The following SRSF2 variants were observed in gnomAD, a reference collection of about 807,000 sequenced individuals.
SRSF2 encodes serine and arginine rich splicing factor 2, also known as serine/arginine-rich splicing factor 2.
In SRSF2, 4 loss-of-function variants were observed where a neutral mutation model predicts 15.7. That is an observed-to-expected ratio of 0.26 (90% CI 0.13 to 0.58). The LOEUF (loss-of-function observed/expected upper bound fraction) is 0.58, where lower values mean the gene tolerates loss of function less well. SRSF2 is among the 20% of genes least tolerant of loss of function. SRSF2 has a pLI of 0.90. For missense variants in SRSF2, 147 were observed against 332.4 expected (o/e 0.44, Z 4.34); for synonymous variants, 192 against 138.9 (o/e 1.38, Z -2.69).
At position 76,737,231 on chromosome 17, in the gene SRSF2, C is replaced by T; in HGVS notation, c.-71G>A. ...CTCAGCTCTGGGCGGTGCGACGCCG[C>T]GCCTCTCAGGCAGTTGCCTTCCGCG... is the stretch of plus-strand genomic sequence containing the variant. On this transcript the variant is annotated 5_prime_UTR_variant, in exon 1 of 3. Coordinates refer to ENST00000359995, the MANE Select transcript of SRSF2 (RefSeq NM_001195427.2). 6.8e-7 allele frequency: 1 copy of T among 1,463,966 alleles called. No individual in the cohort carries two copies. Among genetic ancestry groups the T allele is most frequent in the Non-Finnish European group, 9.1e-7 (1 of 1,102,086 alleles). The allele number at this position is 1,463,966 out of a possible 1,614,324, so 90.7% of individuals were successfully genotyped here. A position where few individuals can be genotyped will look rare whatever the true frequency, so the allele number is the denominator to read the frequency against.
intron 2 of SRSF2, 184 bp downstream of exon 2, chr17:76,735,970 T>TATC (rs1385773448): frequency 9.4e-6 from 6 of 636,046 alleles, no homozygotes; most frequent in African/African-American, 1.8e-5. Context: ...CAGCCATTAT[T>TATC]ATCTAAGCTT....
chr17:76,736,807 C>G lies in SRSF2; in HGVS notation c.354G>C (p.Arg118=). ...CCCTCAGCCCCGTTTACCTGCGGCTCCGGCGTCCGTAGCCACCGCCCCCGT... is the reference window on the plus strand; with the variant it reads ...CCCTCAGCCCCGTTTACCTGCGGCTGCGGCGTCCGTAGCCACCGCCCCCGT... The part of the protein sequence containing the change: ...RRYGGGGYGR[R]SRSPRRRRRS... Residue 118 remains arginine, a synonymous_variant, in exon 1 of 3, where the codon CGG becomes CGC. Coordinates refer to ENST00000359995, the MANE Select transcript of SRSF2 (RefSeq NM_001195427.2). 6.4e-7 allele frequency: 1 copy of G among 1,573,048 alleles called. No homozygotes were observed. The highest frequency in any genetic ancestry group is 1.3e-5 in the African/African-American group (1 of 74,148).
Position 76,734,606 on chromosome 17 carries a change from T to C in SRSF2, c.*560A>G. ...TAAGAGAAGAGATTAGAATTGTGTTTGATAAACAATCCTTTCAAAAAATCA... is the reference window on the plus strand; with the variant it reads ...TAAGAGAAGAGATTAGAATTGTGTTCGATAAACAATCCTTTCAAAAAATCA... On this transcript the variant is annotated 3_prime_UTR_variant, in exon 3 of 3. Coordinates refer to ENST00000359995, the MANE Select transcript of SRSF2 (RefSeq NM_001195427.2). 4.3e-6 allele frequency: 1 copy of C among 230,118 alleles called. No homozygotes were observed. Among genetic ancestry groups the C allele is most frequent in the Non-Finnish European group, 8.7e-6 (1 of 115,038 alleles). 14.3% of individuals were successfully genotyped at this position (230,118 alleles called of 1,614,324 possible).
intron 2 of SRSF2, chr17:76,735,406 A>G (rs986172903): frequency 4.0e-5 from 8 of 200,818 alleles, no homozygotes; most frequent in Admixed American, 3.7e-4. Flanking sequence ...AAAAAAAAAG[A>G]AAAAAAAAAG....
intron 2 of SRSF2, 122 bp downstream of exon 2, chr17:76,736,028 GGTGA>G (rs2077445531): frequency 2.4e-5 from 23 of 950,446 alleles, no homozygotes; most frequent in East Asian, 9.6e-5. Context: ...TACTCCCAAA[GGTGA>G]GTAACCTCCG....
chr17:76,736,602 C>G, intron 1 of SRSF2, 138 bp from the exon 2 acceptor site: 1 of 1,195,274 alleles, frequency 8.4e-7, no homozygotes, highest in South Asian at 1.7e-5. Flanking sequence ...TCCTCCGCCC[C>G]GCGCCGCCCA....
At chr17:76,735,882 AG>A (rs944769551) in intron 2 of SRSF2, 1 of 577,556 alleles carries the variant, frequency 1.7e-6, no homozygotes, top group African/African-American at 1.8e-5. Context: ...GCAGCTTTAA[AG>A]GGGGAAAATG....
rs1402408086 is a variant in SRSF2 at position 76,737,257 on chromosome 17, T to C, written c.-97A>G. The C allele has an allele frequency of 1.4e-6, 2 of 1,432,736 alleles. No individual in the cohort carries two copies. The highest frequency in any genetic ancestry group is 1.8e-6 in the Non-Finnish European group (2 of 1,083,098). The allele number at this position is 1,432,736 out of a possible 1,614,324, so 88.8% of individuals were successfully genotyped here. On this transcript the variant is annotated 5_prime_UTR_variant, in exon 1 of 3. Coordinates refer to ENST00000359995, the MANE Select transcript of SRSF2 (RefSeq NM_001195427.2). ...GCCTCTCAGGCAGTTGCCTTCCGCG[T>C]GGGGACACTGGGAAAGGCCTTGCCG...
At chr17:76,737,386 C>T (rs987789892), upstream of SRSF2, 1 of 505,488 alleles carries the variant, frequency 2.0e-6, no homozygotes, top group Non-Finnish European at 3.4e-6. Context: ...AAATGGCGCC[C>T]GCGCCACCCG....
chr17:76,737,403 A>T, upstream of SRSF2: 1 of 464,746 alleles, frequency 2.2e-6, no homozygotes, highest in Non-Finnish European at 3.8e-6. Flanking sequence ...CCCGGAAATG[A>T]AACCTTCTGA....
intron 1 of SRSF2, 136 bp from the exon 2 acceptor site, chr17:76,736,600 C>T: frequency 8.4e-7 from 1 of 1,190,678 alleles, no homozygotes; most frequent in Non-Finnish European, 1.1e-6. Context: ...GGTCCTCCGC[C>T]CCGCGCCGCC....
Position 76,735,015 on chromosome 17 carries a change from G to T in SRSF2, c.*151C>A. On this transcript the variant is annotated 3_prime_UTR_variant, in exon 3 of 3. Transcript: ENST00000359995. ...CATAAAATGAAGTTTGCCAACTGAG[G>T]CAAAGCTTAAACAAGTAAAAAGTTA... 4.5e-6 allele frequency: 1 copy of T among 222,228 alleles called. No homozygotes were observed. Among genetic ancestry groups the T allele is most frequent in the Non-Finnish European group, 9.0e-6 (1 of 110,642 alleles). The allele number at this position is 222,228 out of a possible 1,614,324, so 13.8% of individuals were successfully genotyped here.
At position 76,736,188 on chromosome 17, in the gene SRSF2, A is replaced by G. The variant is rs951285534; in HGVS notation, c.639T>C (p.Pro213=). 3 of 1,613,056 alleles carry G rather than the reference A, an allele frequency of 1.9e-6. No individual in the cohort carries two copies. Among genetic ancestry groups the G allele is most frequent in the Non-Finnish European group, 8.5e-7 (1 of 1,179,410 alleles). ...AAGAGGACACCGCTCCTTCCTCTTC[A>G]GGAGACTTGGGGGGACTCTTCGATC... is the stretch of plus-strand genomic sequence containing the variant. ...RSRSKSPPKS[P]EEEGAVSS The change falls in exon 2 of 3, where the codon CCT becomes CCC. Residue 213 remains proline (P), a synonymous_variant. Transcript: ENST00000359995.
Position 76,736,198 on chromosome 17 carries a change from G to A in SRSF2, c.629C>T (p.Pro210Leu), listed in dbSNP as rs2077458843. The A allele has an allele frequency of 3.1e-6, 5 of 1,613,918 alleles. No homozygotes were observed. The highest frequency in any genetic ancestry group is 1.1e-5 in the South Asian group (1 of 91,058). Residue 210 changes from proline to leucine, a missense_variant, in exon 2 of 3, where the codon CCC (proline) becomes CTC (leucine). Pro to Leu is a moderately conservative substitution (Grantham distance 98, BLOSUM62 -3). Transcript: ENST00000359995. ...SKSRSRSKSP[P>L]KSPEEEGAVS... ...CGCTCCTTCCTCTTCAGGAGACTTG[G>A]GGGGACTCTTCGATCGCGACCTGGA...
Position 76,736,232 on chromosome 17 carries a change from C to T in SRSF2, c.595G>A (p.Glu199Lys), listed in dbSNP as rs267605064. ...SRSPPPVSKRESKSRSRSKSP... is the reference protein window; with the variant it reads ...SRSPPPVSKRKSKSRSRSKSP... ...TTCGATCGCGACCTGGATTTGGATTCCCTCTTGGACACTGGGGGAGGACTC... is the reference window on the plus strand; with the variant it reads ...TTCGATCGCGACCTGGATTTGGATTTCCTCTTGGACACTGGGGGAGGACTC... The change falls in exon 2 of 3, where the codon GAA (glutamate) becomes AAA (lysine). Residue 199 changes from glutamate (E) to lysine (K), a missense_variant. Glu to Lys is a moderately conservative substitution (Grantham distance 56). Coordinates refer to ENST00000359995, the MANE Select transcript of SRSF2 (RefSeq NM_001195427.2). 1 of 1,613,972 alleles carries T rather than the reference C, an allele frequency of 6.2e-7. No individual in the cohort carries two copies. The highest frequency in any genetic ancestry group is 8.5e-7 in the Non-Finnish European group (1 of 1,180,002).
chr17:76,736,517 G>A (rs1007596585), intron 1 of SRSF2, 53 bp from the exon 2 acceptor site: 7 of 1,552,220 alleles, frequency 4.5e-6, no homozygotes, highest in Non-Finnish European at 6.1e-6. Flanking sequence ...AGCGGGGCCG[G>A]CCCCGCCCGC....
At chr17:76,736,127 T>C in intron 2 of SRSF2, 27 bp downstream of exon 2, 2 of 1,559,352 alleles carry the variant, frequency 1.3e-6, no homozygotes, top group Middle Eastern at 1.7e-4. Context: ...GAATTAGGGT[T>C]ATGTGTCTCG....
upstream of SRSF2, chr17:76,737,334 G>A (rs898883904): frequency 1.3e-4 from 113 of 844,066 alleles, 2 homozygotes; most frequent in South Asian, 1.1e-3. Context: ...TAACAACTGG[G>A]CGGGCAGCCG....
At chr17:76,735,400 A>G (rs543184419) in intron 2 of SRSF2, 2 of 222,446 alleles carry the variant, frequency 9.0e-6, no homozygotes, top group South Asian at 1.8e-4. Context: ...GGGAAGAAAA[A>G]AAAAGAAAAA....
Sources: allele counts gnomAD v4.1 joint callset, GRCh38; gene constraint gnomAD v4.1.1; transcripts MANE v1.5; gene names NCBI Gene and HGNC (gene_info 2026-07-23, HGNC 2026-07-21).